ITSN2: variants seen among roughly 807,000 people sequenced by gnomAD.
ITSN2 encodes the protein intersectin-2.
ITSN2 carries 156 observed loss-of-function variants against 243.7 expected under a neutral mutation model. That is an observed-to-expected ratio of 0.64 (90% CI 0.56 to 0.73). The LOEUF is 0.73. Ranked by LOEUF, ITSN2 falls within the 30% of genes least tolerant of loss-of-function variation. The pLI is 0.00. For missense variants in ITSN2, 1,801 were observed against 1,996.1 expected (o/e 0.90, Z 1.86); for synonymous variants, 703 against 699.9 (o/e 1.00, Z -0.07).
In ITSN2 at chr2:24,209,951, T is replaced by C. The variant is rs1443893087; in HGVS notation, c.4340A>G (p.Asn1447Ser). 1 of 1,614,206 alleles carries C rather than the reference T, an allele frequency of 6.2e-7. No homozygotes were observed. The highest frequency in any genetic ancestry group is 8.5e-7 in the Non-Finnish European group (1 of 1,180,008). Reference sequence around the variant, plus strand: ...GAAGAGGAATCCGTGCAGTTCCTTGTTGCTCTTGGTCTTGTATAATTTCCC... The same window carrying C: ...GAAGAGGAATCCGTGCAGTTCCTTGCTGCTCTTGGTCTTGTATAATTTCCC... ...HSGKLYKTKS[N>S]KELHGFLFND... The change falls in exon 35 of 40, where the codon AAC (asparagine) becomes AGC (serine). Residue 1447 changes from asparagine (N) to serine (S), a missense_variant. Physicochemically the swap from Asn to Ser is conservative, Grantham distance 46 (BLOSUM62 1). Transcript: ENST00000355123.
At chr2:24,298,483 G>C (rs904481912) in intron 13 of ITSN2, among the ~76,000 whole-genome samples, 182 bp downstream of exon 13, 2 of 151,754 alleles carry the variant, frequency 1.3e-5, no homozygotes, top group Admixed American at 1.3e-4. Context: ...TTTTAGTAGA[G>C]ATGGGGTTTC....
intron 29 of ITSN2, among the ~76,000 whole-genome samples, chr2:24,238,657 A>G (rs548664424): frequency 6.6e-6 from 1 of 152,338 alleles, no homozygotes; most frequent in South Asian, 2.1e-4. Context: ...ATTACCCTAG[A>G]TTATGTTTTC....
At chr2:24,205,756 A>G (rs954933020) in intron 37 of ITSN2, 2 of 175,636 alleles carry the variant, frequency 1.1e-5, no homozygotes, top group Admixed American at 1.1e-4. Flanking sequence ...AAAATAATAC[A>G]TGGTATTTGT....
intron 2 of ITSN2, among the ~76,000 whole-genome samples, chr2:24,317,385 CAA>C (rs780304772): frequency 2.0e-4 from 23 of 113,322 alleles, no homozygotes; most frequent in Non-Finnish European, 1.7e-4. Context: ...GACGCAATCT[CAA>C]AAAAAAAAAA....
chr2:24,346,853 AATTT>A (rs1309342129), intron 1 of ITSN2, among the ~76,000 whole-genome samples: 1 of 140,876 alleles, frequency 7.1e-6, no homozygotes, highest in Non-Finnish European at 1.5e-5. Flanking sequence ...TCCACATGGA[AATTT>A]ATCTTTTTTT....
chr2:24,237,981 G>A (rs1274306608), intron 29 of ITSN2, among the ~76,000 whole-genome samples: 1 of 152,016 alleles, frequency 6.6e-6, no homozygotes, highest in East Asian at 1.9e-4. Context: ...CCATTCTGAC[G>A]ATACTGAAAT....
At chr2:24,232,023 T>C (rs1172271905) in intron 29 of ITSN2, among the ~76,000 whole-genome samples, 1 of 152,244 alleles carries the variant, frequency 6.6e-6, no homozygotes, top group Non-Finnish European at 1.5e-5. Context: ...TATTTTATGT[T>C]GTAAAAGAAT....
intron 1 of ITSN2, among the ~76,000 whole-genome samples, chr2:24,336,849 A>G (rs2151885574): frequency 6.6e-6 from 1 of 152,282 alleles, no homozygotes; most frequent in African/African-American, 2.4e-5. Context: ...TCCAAAGAAA[A>G]CACTCGATAA....
At chr2:24,242,890 G>A (rs1034725667) in intron 29 of ITSN2, among the ~76,000 whole-genome samples, 5 of 152,030 alleles carry the variant, frequency 3.3e-5, no homozygotes, top group African/African-American at 1.2e-4. Context: ...ACATATACCC[G>A]CCAGAAACAA....
rs376615010 is a variant in ITSN2 at position 24,203,603 on chromosome 2, G to A, written c.*23C>T. ...CAGCCCCAGCCTTGTGGGCTGTCCC[G>A]CTGGTGCTGTCCTTTAGAACCCCTA... On this transcript the variant is annotated 3_prime_UTR_variant, in exon 40 of 40. Coordinates refer to ENST00000355123, the MANE Select transcript of ITSN2 (RefSeq NM_006277.3). 3.4e-5 allele frequency: 54 copies of A among 1,606,318 alleles called. No individual in the cohort carries two copies. The highest frequency in any genetic ancestry group is 3.7e-5 in the Non-Finnish European group (44 of 1,175,638).
intron 15 of ITSN2, among the ~76,000 whole-genome samples, chr2:24,293,040 C>T (rs1403276561): frequency 6.6e-6 from 1 of 152,110 alleles, no homozygotes; most frequent in Non-Finnish European, 1.5e-5. Flanking sequence ...TTTAAATAAA[C>T]CTTGTTTCTG....
At chr2:24,347,835 G>A (rs1273145872) in intron 1 of ITSN2, among the ~76,000 whole-genome samples, 3 of 151,984 alleles carry the variant, frequency 2.0e-5, no homozygotes, top group African/African-American at 7.3e-5. Context: ...GCTTTTGGGA[G>A]GCCAACGCGG....
chr2:24,281,927 A>T (rs1678832790), intron 17 of ITSN2, among the ~76,000 whole-genome samples: 1 of 152,210 alleles, frequency 6.6e-6, no homozygotes, highest in Non-Finnish European at 1.5e-5. Flanking sequence ...CTACCCAGGA[A>T]GATTCTTTCT....
intron 2 of ITSN2, among the ~76,000 whole-genome samples, chr2:24,321,574 G>C (rs1684583770): frequency 6.6e-6 from 1 of 152,098 alleles, no homozygotes; most frequent in Non-Finnish European, 1.5e-5. Flanking sequence ...ACCTAAAATA[G>C]CTAAACCTAC....
chr2:24,351,086 A>G (rs1438006102), intron 1 of ITSN2, among the ~76,000 whole-genome samples: 1 of 152,134 alleles, frequency 6.6e-6, no homozygotes, highest in Non-Finnish European at 1.5e-5. Flanking sequence ...CTACCCTACC[A>G]GGTATTTCAA....
Position 24,308,602 on chromosome 2 carries a change from C to G in ITSN2, c.793+15G>C, listed in dbSNP as rs374183632. On this transcript the variant is annotated intron_variant, in intron 8 of 39. Coordinates refer to ENST00000355123, the MANE Select transcript of ITSN2 (RefSeq NM_006277.3). Reference sequence around the variant, plus strand: ...AGACCCTTTTTCATGCTCTTCAGCACTGTATGCTGCTTACCTGAGAGATAT... The same window carrying G: ...AGACCCTTTTTCATGCTCTTCAGCAGTGTATGCTGCTTACCTGAGAGATAT... The G allele has an allele frequency of 1.4e-6, 2 of 1,450,898 alleles. No individual in the cohort carries two copies. The highest frequency in any genetic ancestry group is 1.8e-6 in the Non-Finnish European group (2 of 1,094,836). The allele number at this position is 1,450,898 out of a possible 1,614,324, so 89.9% of individuals were successfully genotyped here.
At chr2:24,296,999 T>C (rs1251249892) in intron 13 of ITSN2, among the ~76,000 whole-genome samples, 1 of 152,106 alleles carries the variant, frequency 6.6e-6, no homozygotes, top group Non-Finnish European at 1.5e-5. Context: ...GGAAAAACAA[T>C]CAATCTTAAG....
intron 32 of ITSN2, among the ~76,000 whole-genome samples, chr2:24,215,431 C>A (rs561054541): frequency 3.9e-5 from 6 of 152,174 alleles, no homozygotes; most frequent in African/African-American, 1.4e-4. Flanking sequence ...CTTTGGGAGG[C>A]CAAGGTGGGC....
chr2:24,223,836 A>G (rs1176579135), intron 29 of ITSN2, among the ~76,000 whole-genome samples: 1 of 148,602 alleles, frequency 6.7e-6, no homozygotes, highest in African/African-American at 2.5e-5. Flanking sequence ...AAAAAAGGAA[A>G]GAAACAAGAA....
Sources: gnomAD v4.1 joint callset for allele counts (sites outside exome capture counted in the v4.1 genomes callset) on GRCh38, gnomAD v4.1.1 for gene constraint, MANE v1.5 for transcripts, NCBI Gene and HGNC (gene_info 2026-07-23, HGNC 2026-07-21) for gene names.